KHNYN: variants seen among roughly 807,000 people sequenced by gnomAD.
KHNYN encodes protein KHNYN.
In KHNYN, 42 loss-of-function variants were observed where a neutral mutation model predicts 62.7. That is an observed-to-expected ratio of 0.67 (90% CI 0.52 to 0.87). The LOEUF is 0.87. Among genes scored for constraint, KHNYN ranks in the 40% least tolerant of loss-of-function variants. The pLI is 0.00. For missense variants in KHNYN, 829 were observed against 874.1 expected (o/e 0.95, Z 0.65); for synonymous variants, 347 against 345.6 (o/e 1.00, Z -0.04).
Position 24,432,990 on chromosome 14 carries a change from C to T in KHNYN, c.1535C>T (p.Ser512Leu), listed in dbSNP as rs1054069079. Residue 512 changes from serine (S) to leucine (L), a missense_variant, in exon 5 of 8, where the codon TCA (serine) becomes TTA (leucine). By Grantham distance (145) the Ser-to-Leu change is moderately radical. Coordinates refer to ENST00000553935, the MANE Select transcript of KHNYN (RefSeq NM_015299.3). The surrounding 1 kb of genome is among the most constrained non-coding windows in gnomAD (Gnocchi z 5.6). ...CTCAGCCTGCTCTCCCTCACACCCT[C>T]ACGAGTCATGGATGGCAAGAGGATC... is the stretch of plus-strand genomic sequence containing the variant. The part of the protein sequence containing the change: ...YSLSLLSLTP[S>L]RVMDGKRISS... 1 of 1,614,090 alleles carries T rather than the reference C, an allele frequency of 6.2e-7. No homozygotes were observed. Among genetic ancestry groups the T allele is most frequent in the African/African-American group, 1.3e-5 (1 of 74,922 alleles).
rs373108806 is a variant in KHNYN at position 24,437,224 on chromosome 14, G to A, written c.1976G>A (p.Arg659Gln). Residue 659 changes from arginine to glutamine, a missense_variant, in exon 8 of 8, where the codon CGG becomes CAG. Transcript: ENST00000553935. This position sits in a 1 kb window ranked among gnomAD's most constrained non-coding sequence, Gnocchi z 5.5. Reference sequence around the variant, plus strand: ...CACAAAGTGGACTTCATCCTGCAGCGGGAGCCATACTGCCGGGACATCAAC... The same window carrying A: ...CACAAAGTGGACTTCATCCTGCAGCAGGAGCCATACTGCCGGGACATCAAC... Reference protein sequence around the residue: ...QDHKVDFILQREPYCRDINQL... With the variant: ...QDHKVDFILQQEPYCRDINQL... 2.0e-5 allele frequency: 33 copies of A among 1,614,066 alleles called. No individual in the cohort carries two copies. The highest frequency in any genetic ancestry group is 2.7e-5 in the African/African-American group (2 of 74,934).
At chr14:24,427,471 A>T (rs58274963), upstream of KHNYN, 29,129 of 313,246 alleles carry the variant, frequency 0.093, 2,863 homozygotes, top group African/African-American at 0.31. The surrounding 1 kb of genome is among the most constrained non-coding windows in gnomAD (Gnocchi z 4.4). Context: ...GGGTGGGGGA[A>T]CCGGAGGAGC....
chr14:24,429,967 T>A lies in KHNYN; in HGVS notation c.-170T>A. The A allele has an allele frequency of 1.0e-6, 1 of 993,236 alleles. No homozygotes were observed. The highest frequency in any genetic ancestry group is 1.2e-6 in the Non-Finnish European group (1 of 833,980). The allele number at this position is 993,236 out of a possible 1,614,324, so 61.5% of individuals were successfully genotyped here. The stretch of plus-strand genomic sequence containing the variant: ...GACTCAAGAAACAGTTTGCGTGCGA[T>A]GTGGACAAGAGAGGTCCCCGCTGGG... On this transcript the variant is annotated 5_prime_UTR_variant, in exon 1 of 8. An upstream start codon of the reference 5' UTR is lost. Coordinates refer to ENST00000553935, the MANE Select transcript of KHNYN (RefSeq NM_015299.3).
Position 24,432,156 on chromosome 14 carries a change from T to TCAG in KHNYN, c.898_900dup (p.Ala300dup). 15 of 1,556,362 alleles carry TCAG rather than the reference T, an allele frequency of 9.6e-6. No homozygotes were observed. Among genetic ancestry groups the TCAG allele is most frequent in the Non-Finnish European group, 1.3e-5 (15 of 1,149,720 alleles). ...GTCAGTGGGTGGAGGGGCAAGGGAGTCAGCACCCCTGAAAGGGAAGGCCCT... is the reference window on the plus strand; with the variant it reads ...GTCAGTGGGTGGAGGGGCAAGGGAGTCAGCAGCACCCCTGAAAGGGAAGGCCCT... On this transcript the variant is annotated inframe_insertion, in exon 3 of 8. Transcript: ENST00000553935. This position sits in a 1 kb window ranked among gnomAD's most constrained non-coding sequence, Gnocchi z 5.6.
chr14:24,432,448 G>A lies in KHNYN; in HGVS notation c.1187G>A (p.Arg396Gln), dbSNP rs369416224. Residue 396 changes from arginine (R) to glutamine (Q), a missense_variant, in exon 3 of 8, where the codon CGG becomes CAG. Physicochemically the swap from Arg to Gln is conservative, Grantham distance 43. This residue lies in a region of KHNYN where 559 missense variants were observed against 527.0 expected (regional missense o/e 1.06). Transcript: ENST00000553935. The surrounding 1 kb of genome is among the most constrained non-coding windows in gnomAD (Gnocchi z 5.6). Reference sequence around the variant, plus strand: ...AAGCAGCAGGGCATGGCACGGGGTCGGGGGCCTCAATGGAAACGAGGCGCC... The same window carrying A: ...AAGCAGCAGGGCATGGCACGGGGTCAGGGGCCTCAATGGAAACGAGGCGCC... ...GDKQQGMARG[R>Q]GPQWKRGARG... 14 of 1,613,220 alleles carry A rather than the reference G, an allele frequency of 8.7e-6. No homozygotes were observed. Among genetic ancestry groups the A allele is most frequent in the African/African-American group, 8.0e-5 (6 of 74,908 alleles).
In KHNYN at chr14:24,440,689, T is replaced by G; in HGVS notation, c.*3404T>G. 6.7e-7 allele frequency: 1 copy of G among 1,495,510 alleles called. No individual in the cohort carries two copies. Among genetic ancestry groups the G allele is most frequent in the Non-Finnish European group, 9.1e-7 (1 of 1,093,028 alleles). The allele number at this position is 1,495,510 out of a possible 1,614,324, so 92.6% of individuals were successfully genotyped here. A position where few individuals can be genotyped will look rare whatever the true frequency, so the allele number is the denominator to read the frequency against. Reference sequence around the variant, plus strand: ...GCTAGAAGTGGTGGCATCCTCTCACTCTGTAATTGTAATCTCAGCTCTCCT... The same window carrying G: ...GCTAGAAGTGGTGGCATCCTCTCACGCTGTAATTGTAATCTCAGCTCTCCT... On this transcript the variant is annotated 3_prime_UTR_variant, in exon 8 of 8. Transcript: ENST00000553935.
In KHNYN at chr14:24,438,464, G is replaced by A. The variant is rs1474037676; in HGVS notation, c.*1179G>A. On this transcript the variant is annotated 3_prime_UTR_variant, in exon 8 of 8. Transcript: ENST00000553935. ...ACGGAAGTTGAACCAGTTGGTTCTA[G>A]ATGAACCAATTATCTGGAAAATGAA... The A allele has an allele frequency of 6.6e-6, 1 of 152,314 alleles. No homozygotes were observed. The allele number at this position is 152,314 out of a possible 1,614,324, so 9.4% of individuals were successfully genotyped here. A position where few individuals can be genotyped will look rare whatever the true frequency, so the allele number is the denominator to read the frequency against.
chr14:24,435,203 G>A (rs1430105155), intron 5 of KHNYN, among the ~76,000 whole-genome samples: 1 of 152,214 alleles, frequency 6.6e-6, no homozygotes, highest in Admixed American at 6.5e-5. Context: ...GAAATAGTTG[G>A]AGAAATATGG....
upstream of KHNYN, among the ~76,000 whole-genome samples, chr14:24,425,995 C>T (rs1325689013): frequency 6.6e-6 from 1 of 152,190 alleles, no homozygotes; most frequent in African/African-American, 2.4e-5. Flanking sequence ...AGACAAAATG[C>T]CTACTATATT....
intron 5 of KHNYN, chr14:24,434,362 A>C (rs921271344): frequency 2.0e-6 from 2 of 985,404 alleles, no homozygotes; most frequent in Non-Finnish European, 2.4e-6. Flanking sequence ...AAATATGCTT[A>C]ACTGGAAAAT....
chr14:24,429,627 G>A, upstream of KHNYN: 1 of 1,089,542 alleles, frequency 9.2e-7, no homozygotes. Context: ...CGATTGCTTT[G>A]GTGGAAAGTG....
chr14:24,430,344 G>A, intron 1 of KHNYN: 5 of 786,250 alleles, frequency 6.4e-6, no homozygotes, highest in Non-Finnish European at 7.8e-6. Flanking sequence ...GCCCCCAGAG[G>A]ACAGCCTAGT....
Position 24,440,789 on chromosome 14 carries a change from G to A in KHNYN, c.*3504G>A, listed in dbSNP as rs763876117. 21 of 1,613,678 alleles carry A rather than the reference G, an allele frequency of 1.3e-5. No homozygotes were observed. The highest frequency in any genetic ancestry group is 1.7e-5 in the Admixed American group (1 of 59,974). ...ACCCAGGCCCGTTTCTCACCTGAGC[G>A]CACCACCACCTGGCGTGTAGAATCT... On this transcript the variant is annotated 3_prime_UTR_variant, in exon 8 of 8. Coordinates refer to ENST00000553935, the MANE Select transcript of KHNYN (RefSeq NM_015299.3).
At chr14:24,431,056 T>A in intron 2 of KHNYN, 125 bp downstream of exon 2, 1 of 868,160 alleles carries the variant, frequency 1.2e-6, no homozygotes, top group Non-Finnish European at 1.7e-6. Flanking sequence ...TTCTTGGTTG[T>A]CTCACTGGCA....
upstream of KHNYN, chr14:24,428,644 G>T: frequency 7.7e-7 from 1 of 1,293,438 alleles, no homozygotes; most frequent in Non-Finnish European, 1.1e-6. Context: ...AGTGAAAGAT[G>T]TAGGAAGCTG....
intron 5 of KHNYN, chr14:24,434,135 C>T (rs564878656): frequency 1.0e-6 from 1 of 984,662 alleles, no homozygotes; most frequent in African/African-American, 1.7e-5. Flanking sequence ...AATCTTCTTT[C>T]CACACCTGCA....
chr14:24,440,746 A>G lies in KHNYN; in HGVS notation c.*3461A>G, dbSNP rs1438719995. On this transcript the variant is annotated 3_prime_UTR_variant, in exon 8 of 8. Transcript: ENST00000553935. ...ATCACTTCCCCAGCCCAGAGAAGAC[A>G]TTCCAACCCTGTCTGATACCCAGGC... 1.6e-5 allele frequency: 25 copies of G among 1,606,686 alleles called. No individual in the cohort carries two copies. The highest frequency in any genetic ancestry group is 2.1e-5 in the Non-Finnish European group (25 of 1,175,724).
intron 2 of KHNYN, 67 bp from the exon 3 acceptor site, chr14:24,431,396 A>C: frequency 6.9e-6 from 9 of 1,309,100 alleles, no homozygotes; most frequent in South Asian, 1.4e-5. Context: ...GGAGCGAGCA[A>C]GGAGCCAGGA....
In KHNYN at chr14:24,436,161, T is replaced by G; in HGVS notation, c.1667T>G (p.Met556Arg). ...RDLAEESEKW[M>R]AIIRERLLPF... ...CTGGCGGAGGAGTCTGAGAAGTGGA[T>G]GGCAATCATCAGAGAACGGTGAGGG... Residue 556 changes from methionine to arginine, a missense_variant, in exon 6 of 8, where the codon ATG becomes AGG. By Grantham distance (91) the Met-to-Arg change is moderately conservative. Around this residue, in one of 2 missense-constraint regions of KHNYN, gnomAD observed 270 missense variants for 347.1 expected, o/e 0.78. Transcript: ENST00000553935. 1 of 1,613,696 alleles carries G rather than the reference T, an allele frequency of 6.2e-7. No individual in the cohort carries two copies.
Sources: gnomAD v4.1 joint callset for allele counts (sites outside exome capture counted in the v4.1 genomes callset) on GRCh38, gnomAD v4.1.1 for gene constraint, gnomAD v4.1.1 regional missense constraint, Gnocchi (gnomAD v3.1) non-coding constraint, MANE v1.5 for transcripts, NCBI Gene and HGNC (gene_info 2026-07-23, HGNC 2026-07-21) for gene names.